The following ZNF248 variants were observed in gnomAD, a reference collection of about 807,000 sequenced individuals.
The protein encoded by ZNF248 is zinc finger protein 248, also known as KRAB protein domain.
ZNF248 carries 20 observed loss-of-function variants against 44.3 expected under a neutral mutation model. The ratio of observed to expected loss-of-function variants is 0.45; its 90% CI spans 0.32 to 0.66. The LOEUF is 0.66. Ranked by LOEUF, ZNF248 falls within the 30% of genes least tolerant of loss-of-function variation. The pLI is 0.04. For synonymous variants in ZNF248, 224 were observed against 229.0 expected (o/e 0.98, Z 0.20); for missense variants, 654 against 677.0 (o/e 0.97, Z 0.38).
chr10:37,798,836 T>C (rs1163957686), intron 6 of ZNF248, among the ~76,000 whole-genome samples: 1 of 152,196 alleles, frequency 6.6e-6, no homozygotes, highest in Non-Finnish European at 1.5e-5. Flanking sequence ...AGAATTCACA[T>C]TGTGTATGAT....
the ZNF248 span, among the ~76,000 whole-genome samples, chr10:37,769,160 CA>C: frequency 6.6e-6 from 1 of 152,226 alleles, no homozygotes; most frequent in African/African-American, 2.4e-5. Context: ...AGTCCAGAAC[CA>C]GAAGGAATCA....
At chr10:37,848,562 G>A (rs906058098) in intron 3 of ZNF248, among the ~76,000 whole-genome samples, 5 of 149,448 alleles carry the variant, frequency 3.3e-5, no homozygotes, top group African/African-American at 1.2e-4. Context: ...CAGCCTGGGT[G>A]ACAGAGCCAG....
intron 6 of ZNF248, among the ~76,000 whole-genome samples, chr10:37,780,014 G>A (rs1413875480): frequency 6.7e-6 from 1 of 149,798 alleles, no homozygotes; most frequent in African/African-American, 2.4e-5. Context: ...GGAAATAAAA[G>A]AGGATACAAA....
At chr10:37,785,508 T>A (rs1247353445) in intron 6 of ZNF248, among the ~76,000 whole-genome samples, 2 of 152,204 alleles carry the variant, frequency 1.3e-5, no homozygotes, top group Non-Finnish European at 2.9e-5. Context: ...TATAAATAGG[T>A]GACCCATGGC....
chr10:37,807,208 C>A (rs1348470567), intron 6 of ZNF248, among the ~76,000 whole-genome samples: 2 of 152,046 alleles, frequency 1.3e-5, no homozygotes, highest in African/African-American at 2.4e-5. Flanking sequence ...TGTCTAAAAC[C>A]ATTTACCCAT....
In ZNF248 at chr10:37,829,150, C is replaced by G; in HGVS notation, c.*2465G>C. The G allele has an allele frequency of 1.0e-6, 1 of 985,422 alleles. No individual in the cohort carries two copies. Among genetic ancestry groups the G allele is most frequent in the Non-Finnish European group, 1.2e-6 (1 of 829,948 alleles). The allele number at this position is 985,422 out of a possible 1,614,324, so 61.0% of individuals were successfully genotyped here. ...GGTTGGTTTCTCCAAAGAGAGACAC[C>G]AGCAATTTGGCACCACAGTTCTGGT... On this transcript the variant is annotated 3_prime_UTR_variant, in exon 6 of 6. Coordinates refer to ENST00000395867, the MANE Select transcript of ZNF248 (RefSeq NM_021045.3).
chr10:37,786,790 TGAATA>T (rs1477579981), intron 6 of ZNF248, among the ~76,000 whole-genome samples: 1 of 152,216 alleles, frequency 6.6e-6, no homozygotes, highest in Non-Finnish European at 1.5e-5. Context: ...TTACATGAAC[TGAATA>T]AAGAGGCATT....
chr10:37,814,930 T>C (rs2052176778), intron 6 of ZNF248, among the ~76,000 whole-genome samples: 1 of 152,236 alleles, frequency 6.6e-6, no homozygotes. Context: ...TATTTATATA[T>C]TTCATCAAAT....
the ZNF248 span, among the ~76,000 whole-genome samples, chr10:37,770,487 T>C: frequency 6.6e-6 from 1 of 152,182 alleles, no homozygotes; most frequent in African/African-American, 2.4e-5. Context: ...AACCATCTGA[T>C]CTTTGACAAA....
rs115997284 is a variant in ZNF248, at chr10:37,809,601, C to A, written c.330+23424G>T. On this transcript the variant is annotated intron_variant, in intron 6 of 6. Transcript: ENST00000615949. ...CCTTCAGTTAGCTCTTTTTCTGGGT[C>A]CTTAAGATGTAATGTTAGATAACTG... 6.8e-3 allele frequency among the ~76,000 whole-genome samples: 1,031 copies of A among 152,204 alleles called. 14 individuals are homozygous for A. Among genetic ancestry groups the A allele is most frequent in the African/African-American group, 0.023 (960 of 41,534 alleles).
chr10:37,810,455 A>C (rs1298852836), intron 6 of ZNF248, among the ~76,000 whole-genome samples: 1 of 152,110 alleles, frequency 6.6e-6, no homozygotes, highest in Non-Finnish European at 1.5e-5. Flanking sequence ...TTTTTGATTT[A>C]AGGCCTATTT....
intron 5 of ZNF248, among the ~76,000 whole-genome samples, chr10:37,834,511 C>T (rs914342177): frequency 2.6e-5 from 4 of 152,120 alleles, no homozygotes. Flanking sequence ...TCTGGCTACA[C>T]AGATAATCAA....
chr10:37,824,673 ATTTTTTTTTT>A (rs755411927), downstream of ZNF248, among the ~76,000 whole-genome samples: 27 of 79,724 alleles, frequency 3.4e-4, 1 homozygote, highest in East Asian at 0.011. Context: ...ATTATTTTAA[ATTTTTTTTTT>A]TTTTTTTTTT....
intron 6 of ZNF248, among the ~76,000 whole-genome samples, chr10:37,812,923 C>T (rs1271796822): frequency 6.6e-6 from 1 of 151,842 alleles, no homozygotes; most frequent in Non-Finnish European, 1.5e-5. Flanking sequence ...ACAATAAATT[C>T]CTTCTGGAGA....
chr10:37,770,239 CCAAT>C, the ZNF248 span, among the ~76,000 whole-genome samples: 10 of 152,276 alleles, frequency 6.6e-5, no homozygotes, highest in South Asian at 2.1e-3. Context: ...CATCAAGCTA[CCAAT>C]CACTTTCTTC....
intron 3 of ZNF248, among the ~76,000 whole-genome samples, chr10:37,843,632 G>T (rs958536916): frequency 1.3e-5 from 2 of 151,886 alleles, no homozygotes; most frequent in Admixed American, 6.6e-5. Flanking sequence ...ACTAAACAAA[G>T]ATTTTAAATA....
chr10:37,765,598 C>G, the ZNF248 span, among the ~76,000 whole-genome samples: 9 of 152,200 alleles, frequency 5.9e-5, no homozygotes, highest in Non-Finnish European at 1.3e-4. Context: ...ACTCCTAGCT[C>G]TTAAGTCCAC....
intron 5 of ZNF248, 48 bp from the exon 6 acceptor site, chr10:37,833,164 T>G (rs770519782): frequency 1.3e-6 from 2 of 1,522,650 alleles, no homozygotes; most frequent in African/African-American, 2.8e-5. Context: ...AATACATTTC[T>G]GATGGAATCA....
intron 6 of ZNF248, among the ~76,000 whole-genome samples, chr10:37,814,002 CCATTTA>C (rs1323027836): frequency 6.6e-6 from 1 of 152,168 alleles, no homozygotes; most frequent in Admixed American, 6.5e-5. Context: ...AGAATTTAAG[CCATTTA>C]CATTTAAAGT....
Sources: gnomAD v4.1 joint callset for allele counts (sites outside exome capture counted in the v4.1 genomes callset) on GRCh38, gnomAD v4.1.1 for gene constraint, MANE v1.5 for transcripts, NCBI Gene and HGNC (gene_info 2026-07-23, HGNC 2026-07-21) for gene names.